Variants in EDRF1 observed in about 807,000 individuals in gnomAD.
EDRF1 encodes the protein erythroid differentiation regulatory factor 1, also known as erythroid differentiation-related factor 1.
A neutral mutation model predicts 148.7 loss-of-function variants in EDRF1; 69 were observed. The ratio of observed to expected loss-of-function variants is 0.46; its 90% CI spans 0.38 to 0.57. EDRF1 has a LOEUF of 0.57. Ranked by LOEUF, EDRF1 falls within the 20% of genes least tolerant of loss-of-function variation. The pLI is 0.00. For synonymous variants in EDRF1, 515 were observed against 532.8 expected (o/e 0.97, Z 0.46); for missense variants, 1,118 against 1,478.7 (o/e 0.76, Z 4.00).
In EDRF1 at chr10:125,719,844, C is replaced by T. The variant is rs762016897; in HGVS notation, c.37C>T (p.Pro13Ser). ...DAKEAGAEGP[P>S]AGAAARGGLS... Reference sequence around the variant, plus strand: ...CAAGGAGGCCGGAGCCGAGGGTCCGCCGGCCGGGGCCGCCGCTCGAGGAGG... The same window carrying T: ...CAAGGAGGCCGGAGCCGAGGGTCCGTCGGCCGGGGCCGCCGCTCGAGGAGG... Residue 13 changes from proline to serine, a missense_variant, in exon 1 of 25, where the codon CCG becomes TCG. Around this residue, in one of 3 missense-constraint regions of EDRF1, gnomAD observed 65 missense variants for 50.3 expected, o/e 1.29. Coordinates refer to ENST00000356792, the MANE Select transcript of EDRF1 (RefSeq NM_001202438.2). 1 of 1,612,176 alleles carries T rather than the reference C, an allele frequency of 6.2e-7. No homozygotes were observed. The highest frequency in any genetic ancestry group is 1.1e-5 in the South Asian group (1 of 90,968).
intron 11 of EDRF1, 112 bp downstream of exon 11, chr10:125,733,855 AG>A: frequency 9.5e-7 from 1 of 1,055,002 alleles, no homozygotes; most frequent in Non-Finnish European, 1.4e-6. Flanking sequence ...TTTTCATAGT[AG>A]GGGGAAAAAT....
intron 4 of EDRF1, among the ~76,000 whole-genome samples, chr10:125,724,677 G>A (rs1017675149): frequency 1.3e-5 from 2 of 152,300 alleles, no homozygotes; most frequent in East Asian, 1.9e-4. Flanking sequence ...TTCTCAAATT[G>A]TATGTTGGTA....
At chr10:125,730,474 G>A in intron 9 of EDRF1, 75 bp downstream of exon 9, 2 of 1,192,568 alleles carry the variant, frequency 1.7e-6, no homozygotes, top group Non-Finnish European at 1.3e-6. Flanking sequence ...AGTCTTTACG[G>A]CCCTGAAGTA....
In EDRF1 at chr10:125,741,044, G is replaced by T; in HGVS notation, c.2214G>T (p.Leu738=). 2 of 1,614,050 alleles carry T rather than the reference G, an allele frequency of 1.2e-6. No individual in the cohort carries two copies. Among genetic ancestry groups the T allele is most frequent in the Non-Finnish European group, 1.7e-6 (2 of 1,180,028 alleles). Residue 738 remains leucine, a synonymous_variant, in exon 17 of 25, where the codon CTG becomes CTT. Coordinates refer to ENST00000356792, the MANE Select transcript of EDRF1 (RefSeq NM_001202438.2). The part of the protein sequence containing the change: ...CLCTNMLSEV[L]LFLSQYLTLC... ...GCACCAATATGCTTTCCGAAGTGCT[G>T]TTGTTTCTCTCTCAATATTTGACAC...
At chr10:125,721,181 GTT>G (rs1564728301) in intron 1 of EDRF1, 21 bp from the exon 2 acceptor site, 1 of 1,611,660 alleles carries the variant, frequency 6.2e-7, no homozygotes, top group East Asian at 2.2e-5. Flanking sequence ...TTTCATTAAA[GTT>G]TCACCCAATG....
intron 24 of EDRF1, among the ~76,000 whole-genome samples, chr10:125,757,404 C>G (rs879696137): frequency 2.0e-5 from 3 of 152,158 alleles, no homozygotes; most frequent in Admixed American, 2.0e-4. Context: ...GTCTTTTGTA[C>G]TGTTATTATA....
At chr10:125,748,460 T>C (rs1290498355) in intron 21 of EDRF1, 1 of 208,018 alleles carries the variant, frequency 4.8e-6, no homozygotes, top group Non-Finnish European at 9.8e-6. Flanking sequence ...GGTGCCCAAA[T>C]GCCTGTATTT....
intron 13 of EDRF1, among the ~76,000 whole-genome samples, chr10:125,736,389 C>A (rs1848733833): frequency 6.6e-6 from 1 of 152,098 alleles, no homozygotes; most frequent in African/African-American, 2.4e-5. Flanking sequence ...CATGTCTCTG[C>A]CCTGGAGAGG....
intron 17 of EDRF1, chr10:125,741,789 G>A (rs1239414362): frequency 5.6e-6 from 1 of 179,172 alleles, no homozygotes; most frequent in East Asian, 1.7e-4. Flanking sequence ...CACCTCCTGG[G>A]TTCAAGTGAT....
chr10:125,732,748 G>C (rs1004727892), intron 9 of EDRF1, among the ~76,000 whole-genome samples: 3 of 152,170 alleles, frequency 2.0e-5, no homozygotes, highest in African/African-American at 7.2e-5. Context: ...TCCAGTTTTA[G>C]AGTACTTCAG....
intron 18 of EDRF1, among the ~76,000 whole-genome samples, chr10:125,743,831 G>A (rs897306179): frequency 6.6e-6 from 1 of 152,170 alleles, no homozygotes; most frequent in Admixed American, 6.5e-5. Flanking sequence ...CTCAAAGGGT[G>A]CAAGTGTACG....
In EDRF1 at chr10:125,763,424, G is replaced by A. The variant is rs780864397; in HGVS notation, c.3669G>A (p.Leu1223=). 46 of 1,610,948 alleles carry A rather than the reference G, an allele frequency of 2.9e-5. No homozygotes were observed. Among genetic ancestry groups the A allele is most frequent in the Non-Finnish European group, 3.9e-5 (46 of 1,180,028 alleles). ...GAATCAACGTTATCGTCCACCTGCT[G>A]GGCCAGCTTGCCGCCGGCAGTGCAG... ...LERINVIVHL[L]GQLAAGSAAS... The change falls in exon 25 of 25, where the codon CTG becomes CTA. Residue 1223 remains leucine, a synonymous_variant. Transcript: ENST00000356792. This position sits in a 1 kb window ranked among gnomAD's most constrained non-coding sequence, Gnocchi z 4.3.
chr10:125,728,361 A>G (rs771011331), intron 6 of EDRF1, among the ~76,000 whole-genome samples: 39 of 152,160 alleles, frequency 2.6e-4, no homozygotes, highest in Non-Finnish European at 5.0e-4. Flanking sequence ...GTTACTCCAC[A>G]AAAGTGAGTA....
At chr10:125,734,219 C>G in intron 12 of EDRF1, 36 bp downstream of exon 12, 1 of 1,468,076 alleles carries the variant, frequency 6.8e-7, no homozygotes, top group Non-Finnish European at 9.5e-7. Context: ...TAAAACAATC[C>G]TAGCATTCTA....
intron 8 of EDRF1, among the ~76,000 whole-genome samples, chr10:125,729,761 C>A (rs1252881646): frequency 6.6e-6 from 1 of 152,200 alleles, no homozygotes; most frequent in African/African-American, 2.4e-5. Context: ...AGGCCTATAG[C>A]TGAGTCTTCA....
Position 125,730,338 on chromosome 10 carries a change from A to G in EDRF1, c.1067A>G (p.Asp356Gly). The change falls in exon 9 of 25, where the codon GAC (aspartate) becomes GGC (glycine). Residue 356 changes from aspartate to glycine, a missense_variant. Asp to Gly is a moderately conservative substitution (Grantham distance 94). This residue lies in a region of EDRF1 where 954 missense variants were observed against 1,241.4 expected (regional missense o/e 0.77). Transcript: ENST00000356792. ...CTAACTGGAATTGACTATTGGTTGG[A>G]CAACTTGATATGCAATGTGCCAGAG... ...NVLTGIDYWL[D>G]NLICNVPELV... is the part of the protein sequence containing the mutation. 1 of 1,614,062 alleles carries G rather than the reference A, an allele frequency of 6.2e-7. No homozygotes were observed. Among genetic ancestry groups the G allele is most frequent in the African/African-American group, 1.3e-5 (1 of 75,058 alleles).
intron 24 of EDRF1, among the ~76,000 whole-genome samples, chr10:125,757,542 T>A (rs1301206311): frequency 6.6e-6 from 1 of 152,254 alleles, no homozygotes; most frequent in Non-Finnish European, 1.5e-5. Flanking sequence ...ATTTCAGTAC[T>A]CTTACTTTTT....
chr10:125,733,594 G>C, intron 10 of EDRF1, 41 bp from the exon 11 acceptor site: 1 of 1,609,308 alleles, frequency 6.2e-7, no homozygotes, highest in South Asian at 1.1e-5. Flanking sequence ...ATTGATTTGG[G>C]TAACTGCTGT....
chr10:125,729,117 T>C lies in EDRF1; in HGVS notation c.894+13T>C, dbSNP rs1005286727. On this transcript the variant is annotated intron_variant, in intron 7 of 24. Coordinates refer to ENST00000356792, the MANE Select transcript of EDRF1 (RefSeq NM_001202438.2). The stretch of plus-strand genomic sequence containing the variant: ...GGAGCACAGTCAGGTATGCTTTCCA[T>C]GGTGTCCAAGGTGACAGCAAATCCC... 6 of 1,552,970 alleles carry C rather than the reference T, an allele frequency of 3.9e-6. No individual in the cohort carries two copies. The South Asian group carries it at 4.7e-5, about 12-fold the overall frequency.
Sources: allele counts gnomAD v4.1 joint callset (sites outside exome capture counted in the v4.1 genomes callset), GRCh38; gene constraint gnomAD v4.1.1; regional missense constraint gnomAD v4.1.1; non-coding constraint Gnocchi (gnomAD v3.1); transcripts MANE v1.5; gene names NCBI Gene and HGNC (gene_info 2026-07-23, HGNC 2026-07-21).